Variants in ITSN1 observed in about 807,000 individuals in gnomAD.
ITSN1 encodes the protein intersectin 1.
Under a neutral mutation model 239.8 loss-of-function variants are expected in ITSN1, and 58 were observed. The observed-to-expected ratio is 0.24, with a 90% CI of 0.20 to 0.30. The LOEUF (loss-of-function observed/expected upper bound fraction) is 0.30, where lower values mean the gene tolerates loss of function less well. Ranked by LOEUF, ITSN1 falls within the 10% of genes least tolerant of loss-of-function variation. The probability of loss-of-function intolerance (pLI) is 1.00; values close to 1 mark genes in which losing one functional copy is unlikely to be tolerated. For synonymous variants in ITSN1, 780 were observed against 770.8 expected (o/e 1.01, Z -0.20); for missense variants, 1,558 against 2,103.3 (o/e 0.74, Z 5.07).
intron 25 of ITSN1, 123 bp from the exon 26 acceptor site, chr21:33,826,695 T>A: frequency 1.3e-6 from 1 of 794,296 alleles, no homozygotes; most frequent in East Asian, 2.5e-5. Context: ...TACAGTGCTA[T>A]GTTTTCCCAG....
chr21:33,672,831 G>A (rs1226023188), intron 1 of ITSN1, among the ~76,000 whole-genome samples: 4 of 152,020 alleles, frequency 2.6e-5, no homozygotes, highest in African/African-American at 9.7e-5. Flanking sequence ...TCTGCCTCAG[G>A]CACCCGAGTA....
At chr21:33,669,442 G>GTT (rs34272483) in intron 1 of ITSN1, among the ~76,000 whole-genome samples, 88 of 139,870 alleles carry the variant, frequency 6.3e-4, no homozygotes, top group Admixed American at 1.2e-3. Flanking sequence ...TTTCATTTAA[G>GTT]TTTTTTTTTT....
chr21:33,664,170 A>G (rs1487286572), intron 1 of ITSN1, among the ~76,000 whole-genome samples: 1 of 152,322 alleles, frequency 6.6e-6, no homozygotes, highest in Admixed American at 6.5e-5. Flanking sequence ...TATTTGGCTC[A>G]CAATTCTGAT....
At chr21:33,700,266 G>C (rs1050068365) in intron 1 of ITSN1, among the ~76,000 whole-genome samples, 22 of 151,930 alleles carry the variant, frequency 1.4e-4, no homozygotes, top group African/African-American at 5.3e-4. Context: ...TGTATTTTTA[G>C]TAGAGATGGC....
At chr21:33,801,550 C>T (rs2072003183) in intron 19 of ITSN1, among the ~76,000 whole-genome samples, 1 of 152,146 alleles carries the variant, frequency 6.6e-6, no homozygotes, top group Admixed American at 6.5e-5. Flanking sequence ...GCAGTTTCCA[C>T]CTCCCAGGCT....
intron 20 of ITSN1, among the ~76,000 whole-genome samples, chr21:33,806,025 A>G (rs1024665380): frequency 1.5e-5 from 2 of 132,588 alleles, no homozygotes; most frequent in African/African-American, 5.7e-5. Flanking sequence ...AACACGGTGA[A>G]ACCCCGTCTC....
chr21:33,849,458 C>T (rs143478841), intron 29 of ITSN1, among the ~76,000 whole-genome samples: 2,847 of 149,060 alleles, frequency 0.019, 34 homozygotes, highest in South Asian at 0.036. Flanking sequence ...CCCAGCTACT[C>T]GGGAGGCTGA....
rs2073334778 is a variant in ITSN1, at chr21:33,817,169, A to G, written c.2728-1098A>G. On this transcript the variant is annotated intron_variant, in intron 22 of 39. Coordinates refer to ENST00000381318, the MANE Select transcript of ITSN1 (RefSeq NM_003024.3). Reference sequence around the variant, plus strand: ...TTCATTTTTTACTAAATGCTTTAAGATACTGTAATGGTTTAATGCTATAGC... The same window carrying G: ...TTCATTTTTTACTAAATGCTTTAAGGTACTGTAATGGTTTAATGCTATAGC... The G allele has an allele frequency of 1.2e-5, 15 of 1,221,264 alleles. No homozygotes were observed. In the Admixed American group the frequency reaches 5.0e-4, roughly 41 times the overall value. 75.7% of individuals were successfully genotyped at this position (1,221,264 alleles called of 1,614,324 possible).
chr21:33,759,049 T>A (rs781163385), intron 8 of ITSN1, among the ~76,000 whole-genome samples: 1 of 152,224 alleles, frequency 6.6e-6, no homozygotes, highest in African/African-American at 2.4e-5. Context: ...ATAATTGTGA[T>A]CTTCTAGTGT....
chr21:33,866,067 AAAT>A (rs1249541207), intron 32 of ITSN1, among the ~76,000 whole-genome samples: 1 of 152,242 alleles, frequency 6.6e-6, no homozygotes, highest in Non-Finnish European at 1.5e-5. Context: ...ATAAACAACA[AAAT>A]AATAATAACA....
chr21:33,850,505 C>A (rs908192663), intron 29 of ITSN1, among the ~76,000 whole-genome samples: 2 of 152,166 alleles, frequency 1.3e-5, no homozygotes, highest in African/African-American at 4.8e-5. Flanking sequence ...ATGCCCTGTG[C>A]AAAGTGCCTG....
At chr21:33,856,097 G>T (rs184581928) in intron 29 of ITSN1, among the ~76,000 whole-genome samples, 3 of 152,134 alleles carry the variant, frequency 2.0e-5, no homozygotes, top group African/African-American at 7.2e-5. Flanking sequence ...CGGTGTCCTC[G>T]TCTGTGAAAT....
chr21:33,806,504 A>G (rs2148138001), intron 20 of ITSN1, among the ~76,000 whole-genome samples: 1 of 152,358 alleles, frequency 6.6e-6, no homozygotes, highest in South Asian at 2.1e-4. Context: ...AAAATTGAGA[A>G]AAGAGGTGTA....
chr21:33,785,211 TC>T (rs1247392763), intron 16 of ITSN1, among the ~76,000 whole-genome samples: 2 of 152,206 alleles, frequency 1.3e-5, no homozygotes, highest in Non-Finnish European at 2.9e-5. Flanking sequence ...GGATACTAAA[TC>T]TATATTAAGT....
intron 1 of ITSN1, among the ~76,000 whole-genome samples, chr21:33,653,270 C>T (rs762822560): frequency 1.1e-4 from 17 of 152,108 alleles, no homozygotes; most frequent in Non-Finnish European, 1.8e-4. Flanking sequence ...GCTGGGATTA[C>T]AGGCGTGAGC....
intron 1 of ITSN1, among the ~76,000 whole-genome samples, chr21:33,705,596 G>A (rs2092221968): frequency 1.3e-5 from 2 of 151,908 alleles, no homozygotes; most frequent in Admixed American, 1.3e-4. Flanking sequence ...GTTTCACTGT[G>A]TTAGCCAGGA....
intron 31 of ITSN1, among the ~76,000 whole-genome samples, chr21:33,863,428 G>A (rs1001855007): frequency 2.6e-5 from 4 of 152,202 alleles, no homozygotes; most frequent in Non-Finnish European, 4.4e-5. Flanking sequence ...GGCCAAGGTG[G>A]GTGGATCACT....
At chr21:33,722,504 A>G (rs1601838063) in intron 3 of ITSN1, 84 bp from the exon 4 acceptor site, 1 of 1,460,796 alleles carries the variant, frequency 6.8e-7, no homozygotes, top group East Asian at 2.4e-5. Flanking sequence ...CTCTTTGTAA[A>G]TTTTGTAATT....
chr21:33,821,074 T>C (rs1030072185), intron 24 of ITSN1, among the ~76,000 whole-genome samples: 5 of 152,240 alleles, frequency 3.3e-5, no homozygotes, highest in Non-Finnish European at 7.3e-5. Context: ...TCAGTAAATG[T>C]CTGCTACTTT....
Sources: allele counts gnomAD v4.1 joint callset (sites outside exome capture counted in the v4.1 genomes callset), GRCh38; gene constraint gnomAD v4.1.1; transcripts MANE v1.5; gene names NCBI Gene and HGNC (gene_info 2026-07-23, HGNC 2026-07-21).